The following TGFBR2 variants were observed in gnomAD, a reference collection of about 807,000 sequenced individuals.
TGFBR2 encodes TGF-beta receptor type-2.
TGFBR2 carries 18 observed loss-of-function variants against 49.0 expected under a neutral mutation model. The ratio of observed to expected loss-of-function variants is 0.37; its 90% confidence interval spans 0.25 to 0.54. The LOEUF is 0.54. Ranked by LOEUF, TGFBR2 falls within the 20% of genes least tolerant of loss-of-function variation. TGFBR2 has a pLI of 0.85. For missense variants in TGFBR2, 525 were observed against 722.6 expected (o/e 0.73, Z 3.13); for synonymous variants, 282 against 275.9 (o/e 1.02, Z -0.22).
intron 1 of TGFBR2, among the ~76,000 whole-genome samples, chr3:30,619,501 T>C (rs1477641261): frequency 2.6e-5 from 4 of 152,108 alleles, no homozygotes; most frequent in Non-Finnish European, 5.9e-5. Flanking sequence ...AGAGAGTGCC[T>C]TGTGCTGATG....
At chr3:30,618,145 C>T (rs900700488) in intron 1 of TGFBR2, among the ~76,000 whole-genome samples, 7 of 152,062 alleles carry the variant, frequency 4.6e-5, no homozygotes, top group African/African-American at 1.7e-4. Flanking sequence ...CCCAGTCATC[C>T]TTCATGAGTC....
chr3:30,613,251 A>G (rs1698063669), intron 1 of TGFBR2, among the ~76,000 whole-genome samples: 1 of 150,918 alleles, frequency 6.6e-6, no homozygotes, highest in Admixed American at 6.6e-5. Context: ...CCTGGGCCTT[A>G]GATGGTACTC....
intron 1 of TGFBR2, among the ~76,000 whole-genome samples, chr3:30,613,950 G>A (rs1361151486): frequency 1.3e-5 from 2 of 152,076 alleles, no homozygotes; most frequent in Admixed American, 6.6e-5. Context: ...GTAGAAATAA[G>A]TTTTGGTTAA....
Position 30,652,232 on chromosome 3 carries a change from GTTTT to G in TGFBR2, c.454+1791_454+1794del, listed in dbSNP as rs11386584. Among the ~76,000 whole-genome samples, 884 of 97,008 alleles carry G rather than the reference GTTTT, an allele frequency of 9.1e-3. 10 individuals are homozygous for G. Among genetic ancestry groups the G allele is most frequent in the East Asian group, 0.087 (276 of 3,162 alleles). The allele number at this position is 97,008 out of a possible 152,430, so 63.6% of individuals were successfully genotyped here. On this transcript the variant is annotated intron_variant, in intron 3 of 6. Coordinates refer to ENST00000295754, the MANE Select transcript of TGFBR2 (RefSeq NM_003242.6). ...ATTTCTCTCGTTTTCTTTTCTGGTT[GTTTT>G]TTTTTTTTTTTTTTTTTTGACGGAG...
intron 5 of TGFBR2, among the ~76,000 whole-genome samples, chr3:30,686,543 G>C (rs1699626514): frequency 6.6e-6 from 1 of 152,142 alleles, no homozygotes; most frequent in African/African-American, 2.4e-5. Flanking sequence ...TAGAGTTCTG[G>C]AAAAGGGGAA....
At chr3:30,639,892 G>T (rs983133166) in intron 1 of TGFBR2, among the ~76,000 whole-genome samples, 2 of 152,166 alleles carry the variant, frequency 1.3e-5, no homozygotes, top group Admixed American at 6.5e-5. Context: ...TTACCTAATG[G>T]TTCAGCTAAT....
In TGFBR2 at chr3:30,674,212, C is replaced by T. The variant is rs1699393994; in HGVS notation, c.1362C>T (p.Leu454=). 6.2e-7 allele frequency: 1 copy of T among 1,613,990 alleles called. No individual in the cohort carries two copies. The highest frequency in any genetic ancestry group is 1.3e-5 in the African/African-American group (1 of 74,892). The change falls in exon 5 of 7, where the codon CTC becomes CTT. Residue 454 remains leucine (L), a synonymous_variant. Coordinates refer to ENST00000295754, the MANE Select transcript of TGFBR2 (RefSeq NM_003242.6). The part of the protein sequence containing the change: ...QTDVYSMALV[L]WEMTSRCNAV... ...ATGTCTACTCCATGGCTCTGGTGCT[C>T]TGGGAAATGACATCTCGCTGTAATG...
chr3:30,614,448 A>G (rs1012243475), intron 1 of TGFBR2, among the ~76,000 whole-genome samples: 1 of 152,202 alleles, frequency 6.6e-6, no homozygotes, highest in African/African-American at 2.4e-5. Flanking sequence ...TTATTAAAGT[A>G]TAAATCATTA....
intron 1 of TGFBR2, among the ~76,000 whole-genome samples, chr3:30,633,729 G>A (rs1404853462): frequency 2.0e-5 from 3 of 152,136 alleles, no homozygotes; most frequent in Admixed American, 1.3e-4. Flanking sequence ...TCTTTAAGTG[G>A]AATTAGAAAA....
At chr3:30,689,047 G>A (rs770746259) in intron 6 of TGFBR2, among the ~76,000 whole-genome samples, 8 of 152,144 alleles carry the variant, frequency 5.3e-5, no homozygotes, top group South Asian at 2.1e-4. Context: ...AGAGGAGACC[G>A]ACTCCTCACT....
rs1274930605 is a variant in TGFBR2, at chr3:30,650,448, ATCT to A, written c.446_448del (p.Phe149del). On this transcript the variant is annotated inframe_deletion, in exon 3 of 7. Transcript: ENST00000295754. ...CTCTGATGAGTGCAATGACAACATC[ATCT>A]TCTCAGAAGGTGAGTTTTCTTCTCT... 5 of 1,613,904 alleles carry A rather than the reference ATCT, an allele frequency of 3.1e-6. No homozygotes were observed. The highest frequency in any genetic ancestry group is 2.5e-6 in the Non-Finnish European group (3 of 1,179,938).
At chr3:30,659,851 T>G (rs1214541879) in intron 3 of TGFBR2, among the ~76,000 whole-genome samples, 1 of 151,942 alleles carries the variant, frequency 6.6e-6, no homozygotes, top group East Asian at 1.9e-4. Context: ...CTGAGACCTT[T>G]TGCTGCTTTG....
Position 30,692,940 on chromosome 3 carries a change from G to A in TGFBR2, c.*1341G>A. 4.3e-6 allele frequency: 1 copy of A among 233,196 alleles called. No homozygotes were observed. Among genetic ancestry groups the A allele is most frequent in the Non-Finnish European group, 8.5e-6 (1 of 117,940 alleles). The allele number at this position is 233,196 out of a possible 1,614,324, so 14.4% of individuals were successfully genotyped here. A position where few individuals can be genotyped will look rare whatever the true frequency, so the allele number is the denominator to read the frequency against. On this transcript the variant is annotated 3_prime_UTR_variant, in exon 7 of 7. Coordinates refer to ENST00000295754, the MANE Select transcript of TGFBR2 (RefSeq NM_003242.6). ...TTACAAAGCTGCCTCACTTCTCACT[G>A]TAAACATTAGCTCTTTCCACTGCCT...
intron 1 of TGFBR2, among the ~76,000 whole-genome samples, chr3:30,631,271 A>C (rs952539730): frequency 6.6e-6 from 1 of 151,784 alleles, no homozygotes; most frequent in Non-Finnish European, 1.5e-5. Context: ...TGATTTCTTG[A>C]CCTCGTGATT....
intron 5 of TGFBR2, among the ~76,000 whole-genome samples, chr3:30,680,889 A>T (rs1345990915): frequency 6.6e-6 from 1 of 152,160 alleles, no homozygotes; most frequent in Non-Finnish European, 1.5e-5. Context: ...TGGTGTTCAT[A>T]CAAGTGTTTG....
At position 30,658,923 on chromosome 3, in the gene TGFBR2, A is replaced by T. The variant is rs11466502; in HGVS notation, c.454+8463A>T. Among the ~76,000 whole-genome samples the T allele has an allele frequency of 5.2e-3, 790 of 152,282 alleles. 10 individuals are homozygous for T. The highest frequency in any genetic ancestry group is 0.018 in the African/African-American group (766 of 41,548). ...CCCACTCTGTGTACTGATCGCATGCATTGAGCATTTTGTTGACTTCCGTTG... is the reference window on the plus strand; with the variant it reads ...CCCACTCTGTGTACTGATCGCATGCTTTGAGCATTTTGTTGACTTCCGTTG... On this transcript the variant is annotated intron_variant, in intron 3 of 6. Coordinates refer to ENST00000295754, the MANE Select transcript of TGFBR2 (RefSeq NM_003242.6).
chr3:30,640,027 A>T (rs1698615195), intron 1 of TGFBR2, among the ~76,000 whole-genome samples: 1 of 152,228 alleles, frequency 6.6e-6, no homozygotes, highest in South Asian at 2.1e-4. Flanking sequence ...CAGTTCCAGA[A>T]ATAGACACAG....
intron 1 of TGFBR2, among the ~76,000 whole-genome samples, chr3:30,613,129 C>T (rs1293395755): frequency 8.5e-6 from 1 of 117,018 alleles, no homozygotes; most frequent in Non-Finnish European, 1.8e-5. Flanking sequence ...AGACATGCAG[C>T]TCTTTTTTTT....
intron 1 of TGFBR2, chr3:30,623,142 T>C: frequency 1.1e-6 from 1 of 902,722 alleles, no homozygotes; most frequent in Non-Finnish European, 1.8e-6. Flanking sequence ...CACTTTCCTG[T>C]CATCTGTAAT....
Sources: allele counts gnomAD v4.1 joint callset (sites outside exome capture counted in the v4.1 genomes callset), GRCh38; gene constraint gnomAD v4.1.1; transcripts MANE v1.5; gene names NCBI Gene and HGNC (gene_info 2026-07-23, HGNC 2026-07-21).